RAD51B: variants seen among roughly 807,000 people sequenced by gnomAD.
RAD51B encodes the protein RAD51 paralog B.
Under a neutral mutation model 42.2 loss-of-function variants are expected in RAD51B, and 38 were observed. The ratio of observed to expected loss-of-function variants is 0.90; its 90% CI spans 0.70 to 1.18. RAD51B has a LOEUF of 1.18. RAD51B is among the 50% of genes most tolerant of loss of function. The pLI is 0.00. For synonymous variants in RAD51B, 154 were observed against 145.2 expected (o/e 1.06, Z -0.43); for missense variants, 373 against 400.7 (o/e 0.93, Z 0.59).
chr14:67,933,991 C>A (rs987063977), intron 7 of RAD51B, among the ~76,000 whole-genome samples: 1 of 152,182 alleles, frequency 6.6e-6, no homozygotes, highest in Non-Finnish European at 1.5e-5. Context: ...GACTACAAAG[C>A]TTCGTAGACT....
At chr14:68,135,280 T>C (rs1009387225) in intron 7 of RAD51B, among the ~76,000 whole-genome samples, 1 of 152,268 alleles carries the variant, frequency 6.6e-6, no homozygotes, top group Non-Finnish European at 1.5e-5. Flanking sequence ...GACATGTGAT[T>C]CTACTTGTAC....
intron 7 of RAD51B, among the ~76,000 whole-genome samples, chr14:68,239,050 C>T (rs1270794611): frequency 2.0e-5 from 3 of 152,190 alleles, no homozygotes; most frequent in Non-Finnish European, 4.4e-5. Flanking sequence ...ATAGTCACAG[C>T]ATATAATGCG....
chr14:68,335,317 AAG>A, intron 8 of RAD51B, among the ~76,000 whole-genome samples: 2 of 149,486 alleles, frequency 1.3e-5, no homozygotes, highest in African/African-American at 2.4e-5. Context: ...AAAAAAAGAA[AAG>A]AAAAAAGAAA....
At chr14:68,053,772 A>G (rs1389787371) in intron 7 of RAD51B, among the ~76,000 whole-genome samples, 4 of 152,166 alleles carry the variant, frequency 2.6e-5, no homozygotes, top group Admixed American at 6.5e-5. Context: ...AATAACTCCA[A>G]TTCAGGTCCT....
At chr14:68,563,440 AGTG>A in intron 10 of RAD51B, 1 of 985,476 alleles carries the variant, frequency 1.0e-6, no homozygotes, top group South Asian at 4.7e-5. Flanking sequence ...AAAACAGGGA[AGTG>A]ACAAGGTAAC....
intron 8 of RAD51B, among the ~76,000 whole-genome samples, chr14:68,311,151 A>G (rs2081960083): frequency 6.6e-6 from 1 of 152,240 alleles, no homozygotes; most frequent in Non-Finnish European, 1.5e-5. Context: ...AACTTTGAAG[A>G]GGAAATCATT....
intron 10 of RAD51B, among the ~76,000 whole-genome samples, chr14:68,622,261 T>C (rs1237848902): frequency 6.6e-6 from 1 of 152,206 alleles, no homozygotes; most frequent in Non-Finnish European, 1.5e-5. Context: ...AGGGGCATCA[T>C]GGAGGAGGAG....
At chr14:68,626,172 C>T (rs1892076659) in intron 10 of RAD51B, among the ~76,000 whole-genome samples, 2 of 152,182 alleles carry the variant, frequency 1.3e-5, no homozygotes, top group South Asian at 4.1e-4. Context: ...GCTGAGGAGG[C>T]TTATATACAT....
intron 7 of RAD51B, among the ~76,000 whole-genome samples, chr14:68,291,131 A>G (rs912988192): frequency 5.3e-5 from 8 of 150,436 alleles, no homozygotes; most frequent in Admixed American, 4.6e-4. Flanking sequence ...TATTAATTGT[A>G]TTCAACACCA....
intron 7 of RAD51B, chr14:67,908,510 T>G (rs1252858765): frequency 6.6e-6 from 1 of 151,792 alleles, no homozygotes; most frequent in Non-Finnish European, 1.5e-5. Context: ...GAGTTTTGTT[T>G]TTTTTTTTTT....
At chr14:67,890,348 A>G (rs929600356) in intron 7 of RAD51B, among the ~76,000 whole-genome samples, 4 of 152,024 alleles carry the variant, frequency 2.6e-5, no homozygotes, top group Middle Eastern at 3.2e-3. Flanking sequence ...AACAGTGGGT[A>G]GAATGAGAGA....
At chr14:68,582,111 G>A (rs1890234689) in intron 10 of RAD51B, among the ~76,000 whole-genome samples, 1 of 152,156 alleles carries the variant, frequency 6.6e-6, no homozygotes, top group African/African-American at 2.4e-5. Flanking sequence ...AAGACTTCAT[G>A]ACTAAAACAC....
intron 7 of RAD51B, among the ~76,000 whole-genome samples, chr14:68,057,189 G>A (rs958594967): frequency 1.4e-4 from 21 of 151,916 alleles, no homozygotes; most frequent in African/African-American, 5.1e-4. Flanking sequence ...TTGGATCTCA[G>A]CTTCCTATTT....
intron 7 of RAD51B, among the ~76,000 whole-genome samples, chr14:67,940,960 C>T (rs945454330): frequency 1.3e-5 from 2 of 152,194 alleles, no homozygotes; most frequent in Admixed American, 6.5e-5. Context: ...TTGCCCAGGC[C>T]TGGCTTATGA....
chr14:68,181,555 C>T (rs2079061443), intron 7 of RAD51B, among the ~76,000 whole-genome samples: 1 of 152,226 alleles, frequency 6.6e-6, no homozygotes, highest in Non-Finnish European at 1.5e-5. Flanking sequence ...CGGACTTGTT[C>T]CTTCTCAGCC....
chr14:68,621,617 C>T (rs1344207612), intron 10 of RAD51B, among the ~76,000 whole-genome samples: 1 of 151,914 alleles, frequency 6.6e-6, no homozygotes, highest in Non-Finnish European at 1.5e-5. Flanking sequence ...CCTTACTGGC[C>T]CCCAGGGTCT....
Position 67,828,620 on chromosome 14 carries a change from G to A in RAD51B, c.198+3043G>A, listed in dbSNP as rs545673897. ...GTTTTGTTTTTTTTCCTATAGTTTT[G>A]GATTTTACATTCAAGTCTTTAATCC... On this transcript the variant is annotated intron_variant, in intron 3 of 10. Transcript: ENST00000471583. Among the ~76,000 whole-genome samples, 164 of 151,584 alleles carry A rather than the reference G, an allele frequency of 1.1e-3. 1 individual carries two copies. Among genetic ancestry groups the A allele is most frequent in the Non-Finnish European group, 1.9e-3 (128 of 67,874 alleles).
intron 7 of RAD51B, among the ~76,000 whole-genome samples, chr14:68,123,536 G>A (rs552799132): frequency 1.3e-5 from 2 of 152,148 alleles, no homozygotes; most frequent in Admixed American, 6.5e-5. Flanking sequence ...AGCTGGGCAC[G>A]GTGGCTCACA....
At chr14:68,657,556 T>C (rs1892841925) in intron 11 of RAD51B, among the ~76,000 whole-genome samples, 1 of 152,134 alleles carries the variant, frequency 6.6e-6, no homozygotes, top group African/African-American at 2.4e-5. Flanking sequence ...GTCCAGCTCA[T>C]AGGAGCTGAT....
Sources: allele counts gnomAD v4.1 joint callset (sites outside exome capture counted in the v4.1 genomes callset), GRCh38; gene constraint gnomAD v4.1.1; transcripts MANE v1.5; gene names NCBI Gene and HGNC (gene_info 2026-07-23, HGNC 2026-07-21).